The following ZBTB7A variants were observed in gnomAD, a reference collection of about 807,000 sequenced individuals.
ZBTB7A encodes the protein zinc finger and BTB domain-containing protein 7A.
In ZBTB7A, 7 loss-of-function variants were observed where a neutral mutation model predicts 26.7. That is an observed-to-expected ratio of 0.26 (90% CI 0.15 to 0.49). ZBTB7A has a LOEUF of 0.49. ZBTB7A is among the 20% of genes least tolerant of loss of function. The pLI is 0.98. For synonymous variants in ZBTB7A, 452 were observed against 441.0 expected (o/e 1.02, Z -0.31); for missense variants, 617 against 919.5 (o/e 0.67, Z 4.25).
Position 4,045,449 on chromosome 19 carries a change from G to C in ZBTB7A, c.*2303C>G, listed in dbSNP as rs890792348. On this transcript the variant is annotated 3_prime_UTR_variant, in exon 3 of 3. Coordinates refer to ENST00000322357, the MANE Select transcript of ZBTB7A (RefSeq NM_015898.4). This position sits in a 1 kb window ranked among gnomAD's most constrained non-coding sequence, Gnocchi z 4.1. ...TCACCCAGCCCCAGGGGAGAGGGGG[G>C]ATCCTGAGACATTTGGAGGGGGCTG... The C allele has an allele frequency of 7.1e-6, 1 of 140,790 alleles. No individual in the cohort carries two copies. Among genetic ancestry groups the C allele is most frequent in the Non-Finnish European group, 1.5e-5 (1 of 64,826 alleles). The allele number at this position is 140,790 out of a possible 1,614,324, so 8.7% of individuals were successfully genotyped here. A position where few individuals can be genotyped will look rare whatever the true frequency, so the allele number is the denominator to read the frequency against.
Position 4,052,714 on chromosome 19 carries a change from TAC to T in ZBTB7A, c.1262+1255_1262+1256del. On this transcript the variant is annotated intron_variant, in intron 2 of 2. Transcript: ENST00000322357. The surrounding 1 kb of genome is among the most constrained non-coding windows in gnomAD (Gnocchi z 4.9). Reference sequence around the variant, plus strand: ...CCACCGCTACAGCCCGCCCCGGATCTACGAGGCCCAGCCAGCCACCTCTGGAC... The same window carrying T: ...CCACCGCTACAGCCCGCCCCGGATCTGAGGCCCAGCCAGCCACCTCTGGAC... Among the ~76,000 whole-genome samples, 1 of 152,054 alleles carries T rather than the reference TAC, an allele frequency of 6.6e-6. No homozygotes were observed. Among genetic ancestry groups the T allele is most frequent in the Non-Finnish European group, 1.5e-5 (1 of 67,988 alleles).
Position 4,054,319 on chromosome 19 carries a change from TCCTCGC to T in ZBTB7A, c.908_913del (p.Gly303_Glu304del). 11 of 1,521,522 alleles carry T rather than the reference TCCTCGC, an allele frequency of 7.2e-6. No homozygotes were observed. Among genetic ancestry groups the T allele is most frequent in the Non-Finnish European group, 9.6e-6 (11 of 1,141,420 alleles). The allele number at this position is 1,521,522 out of a possible 1,614,324, so 94.3% of individuals were successfully genotyped here. On this transcript the variant is annotated inframe_deletion, in exon 2 of 3. Coordinates refer to ENST00000322357, the MANE Select transcript of ZBTB7A (RefSeq NM_015898.4). Reference sequence around the variant, plus strand: ...CCCGTCCACGTCGGGCCCGTCCCCGTCCTCGCCCTCGGCCGCTCCCGACAGGAAGCC... The same window carrying T: ...CCCGTCCACGTCGGGCCCGTCCCCGTCCTCGGCCGCTCCCGACAGGAAGCC...
Position 4,045,683 on chromosome 19 carries a change from C to T in ZBTB7A, c.*2069G>A. 2.6e-6 allele frequency: 1 copy of T among 387,056 alleles called. No homozygotes were observed. The highest frequency in any genetic ancestry group is 6.5e-4 in the Middle Eastern group (1 of 1,532). 24.0% of individuals were successfully genotyped at this position (387,056 alleles called of 1,614,324 possible). A position where few individuals can be genotyped will look rare whatever the true frequency, so the allele number is the denominator to read the frequency against. ...GCATTGACAAGAAGTCTCAGTGCAG[C>T]AGAGCGTCTATTTTCGGGGTCCCAT... is the stretch of plus-strand genomic sequence containing the variant. On this transcript the variant is annotated 3_prime_UTR_variant, in exon 3 of 3. Coordinates refer to ENST00000322357, the MANE Select transcript of ZBTB7A (RefSeq NM_015898.4). This position sits in a 1 kb window ranked among gnomAD's most constrained non-coding sequence, Gnocchi z 4.1.
At chr19:4,051,779 T>C (rs1019299324) in intron 2 of ZBTB7A, among the ~76,000 whole-genome samples, 2 of 152,154 alleles carry the variant, frequency 1.3e-5, no homozygotes, top group African/African-American at 4.8e-5. Flanking sequence ...GTGCAGAGAC[T>C]CCCCAGATGA....
At chr19:4,062,396 C>T (rs555676023) in intron 1 of ZBTB7A, among the ~76,000 whole-genome samples, 13 of 152,296 alleles carry the variant, frequency 8.5e-5, no homozygotes, top group Admixed American at 2.6e-4. Context: ...GGAGGCTGGG[C>T]CTTGATAATC....
Position 4,048,024 on chromosome 19 carries a change from AG to A in ZBTB7A, c.1482del (p.Ser495ArgfsTer62). On this transcript the variant is annotated frameshift_variant, in exon 3 of 3. Transcript: ENST00000322357. LOFTEE classifies it low-confidence loss of function (END_TRUNC). This position sits in a 1 kb window ranked among gnomAD's most constrained non-coding sequence, Gnocchi z 6.7. ...ACGCGGGGCTTGCGGCCGCGGCGCG[AG>A]GGGACGCCGTTGCAGCCGTCTTTCT... ...HLKKDGCNGV[P>X]SRRGRKPRVR... The A allele has an allele frequency of 6.7e-7, 1 of 1,500,064 alleles. No homozygotes were observed. Among genetic ancestry groups the A allele is most frequent in the Non-Finnish European group, 8.9e-7 (1 of 1,121,614 alleles). 92.9% of individuals were successfully genotyped at this position (1,500,064 alleles called of 1,614,324 possible).
chr19:4,048,455 T>C lies in ZBTB7A; in HGVS notation c.1263-211A>G, dbSNP rs571746174. ...GCATTCTGAACATCTAAAGAGGGCC[T>C]CGGACCCTGAGTGCTGTGTGGCCTT... On this transcript the variant is annotated intron_variant, in intron 2 of 2. Coordinates refer to ENST00000322357, the MANE Select transcript of ZBTB7A (RefSeq NM_015898.4). The surrounding 1 kb of genome is among the most constrained non-coding windows in gnomAD (Gnocchi z 6.7). 3.9e-5 allele frequency among the ~76,000 whole-genome samples: 6 copies of C among 152,282 alleles called. No individual in the cohort carries two copies. In the South Asian group the frequency reaches 1.0e-3, roughly 26 times the overall value.
At position 4,048,795 on chromosome 19, in the gene ZBTB7A, G is replaced by A. The variant is rs8102055; in HGVS notation, c.1263-551C>T. ...TTGTATCTGGGAGGTGGAGGTTGCA[G>A]TGAAACTCCGTCTCAAAAAAAAAAA... On this transcript the variant is annotated intron_variant, in intron 2 of 2. Transcript: ENST00000322357. The surrounding 1 kb of genome is among the most constrained non-coding windows in gnomAD (Gnocchi z 6.7). Among the ~76,000 whole-genome samples the A allele has an allele frequency of 3.8e-3, 570 of 151,982 alleles. 4 individuals carry two copies. Among genetic ancestry groups the A allele is most frequent in the African/African-American group, 0.013 (552 of 41,456 alleles).
Position 4,045,786 on chromosome 19 carries a change from C to G in ZBTB7A, c.*1966G>C. The G allele has an allele frequency of 2.5e-6, 1 of 398,028 alleles. No homozygotes were observed. Among genetic ancestry groups the G allele is most frequent in the Non-Finnish European group, 4.4e-6 (1 of 225,912 alleles). 24.7% of individuals were successfully genotyped at this position (398,028 alleles called of 1,614,324 possible). Reference sequence around the variant, plus strand: ...AGTCTCCCCAACCCCGGCCCCTGTCCGTGGCCTGTGGCTCGGTCAACACCG... The same window carrying G: ...AGTCTCCCCAACCCCGGCCCCTGTCGGTGGCCTGTGGCTCGGTCAACACCG... On this transcript the variant is annotated 3_prime_UTR_variant, in exon 3 of 3. Coordinates refer to ENST00000322357, the MANE Select transcript of ZBTB7A (RefSeq NM_015898.4). This position sits in a 1 kb window ranked among gnomAD's most constrained non-coding sequence, Gnocchi z 4.1.
In ZBTB7A at chr19:4,045,766, C is replaced by T; in HGVS notation, c.*1986G>A. 1 of 397,642 alleles carries T rather than the reference C, an allele frequency of 2.5e-6. No homozygotes were observed. Among genetic ancestry groups the T allele is most frequent in the Non-Finnish European group, 4.4e-6 (1 of 225,814 alleles). 24.6% of individuals were successfully genotyped at this position (397,642 alleles called of 1,614,324 possible). The stretch of plus-strand genomic sequence containing the variant: ...GTCCTGGCATCTGGCGACATAGTCT[C>T]CCCAACCCCGGCCCCTGTCCGTGGC... On this transcript the variant is annotated 3_prime_UTR_variant, in exon 3 of 3. Coordinates refer to ENST00000322357, the MANE Select transcript of ZBTB7A (RefSeq NM_015898.4). The surrounding 1 kb of genome is among the most constrained non-coding windows in gnomAD (Gnocchi z 4.1).
chr19:4,049,164 G>GTATATATATATATATATA (rs748377446), intron 2 of ZBTB7A, among the ~76,000 whole-genome samples: 1 of 21,166 alleles, frequency 4.7e-5, no homozygotes, highest in Non-Finnish European at 1.3e-4. Flanking sequence ...GTGTGTGTGT[G>GTATATATATATATATATA]TGTGTATATA....
chr19:4,065,670 T>G, intron 1 of ZBTB7A: 3 of 135,334 alleles, frequency 2.2e-5, no homozygotes, highest in South Asian at 2.5e-4. Flanking sequence ...AGGCCGCGCA[T>G]CCCCGGGCTC....
intron 1 of ZBTB7A, chr19:4,065,373 G>T (rs1175732395): frequency 1.4e-5 from 2 of 144,702 alleles, no homozygotes; most frequent in Non-Finnish European, 3.1e-5. Flanking sequence ...GCCGCAGCGC[G>T]CGGCCCCCGC....
chr19:4,064,152 G>A (rs1002784445), intron 1 of ZBTB7A, among the ~76,000 whole-genome samples: 9 of 152,248 alleles, frequency 5.9e-5, no homozygotes, highest in Non-Finnish European at 1.0e-4. Flanking sequence ...CCGCCCGCGG[G>A]CCTCTGCCGA....
At position 4,055,267 on chromosome 19, in the gene ZBTB7A, G is replaced by C; in HGVS notation, c.-15-20C>G. The C allele has an allele frequency of 2.1e-6, 3 of 1,450,496 alleles. No homozygotes were observed. The highest frequency in any genetic ancestry group is 2.7e-6 in the Non-Finnish European group (3 of 1,103,672). 89.9% of individuals were successfully genotyped at this position (1,450,496 alleles called of 1,614,324 possible). The stretch of plus-strand genomic sequence containing the variant: ...CGAGACCTGCAGCAGTGGGGAAGGA[G>C]AGGGCGCTCGTGAGTGGGGGTGCGG... On this transcript the variant is annotated intron_variant, in intron 1 of 2. Transcript: ENST00000322357.
rs2040423311 is a variant in ZBTB7A, at chr19:4,046,631, T to C, written c.*1121A>G. On this transcript the variant is annotated 3_prime_UTR_variant, in exon 3 of 3. Transcript: ENST00000322357. ...CCTTTTTTTTTTCTAGTTTGTTTTA[T>C]TGCTTTTGTGACATTGGAATTTGTG... is the stretch of plus-strand genomic sequence containing the variant. 1 of 150,782 alleles carries C rather than the reference T, an allele frequency of 6.6e-6. No individual in the cohort carries two copies. Among genetic ancestry groups the C allele is most frequent in the Non-Finnish European group, 1.5e-5 (1 of 67,554 alleles). The allele number at this position is 150,782 out of a possible 1,614,324, so 9.3% of individuals were successfully genotyped here. A position where few individuals can be genotyped will look rare whatever the true frequency, so the allele number is the denominator to read the frequency against.
rs2040405829 is a variant in ZBTB7A at position 4,045,631 on chromosome 19, G to A, written c.*2121C>T. ...AGAAGGGGGTATGGGGGGGTCGGGG[G>A]CAGGGAGACACCCCCCCGCCGGTTG... is the stretch of plus-strand genomic sequence containing the variant. On this transcript the variant is annotated 3_prime_UTR_variant, in exon 3 of 3. Coordinates refer to ENST00000322357, the MANE Select transcript of ZBTB7A (RefSeq NM_015898.4). This position sits in a 1 kb window ranked among gnomAD's most constrained non-coding sequence, Gnocchi z 4.1. The A allele has an allele frequency of 5.7e-6, 2 of 349,062 alleles. No homozygotes were observed. Among genetic ancestry groups the A allele is most frequent in the East Asian group, 4.4e-5 (1 of 22,796 alleles). The allele number at this position is 349,062 out of a possible 1,614,324, so 21.6% of individuals were successfully genotyped here.
At chr19:4,060,775 G>A (rs79027258) in intron 1 of ZBTB7A, among the ~76,000 whole-genome samples, 4,556 of 152,172 alleles carry the variant, frequency 0.03, 84 homozygotes, top group Non-Finnish European at 0.045. Flanking sequence ...AAGGTCACAC[G>A]ACAAGGTGAG....
chr19:4,053,943 G>T, intron 2 of ZBTB7A, 28 bp downstream of exon 2: 3 of 1,564,916 alleles, frequency 1.9e-6, no homozygotes, highest in Non-Finnish European at 1.7e-6. Context: ...AGAGCAGGAC[G>T]GCGCCTCCCC....
Sources: gnomAD v4.1 joint callset for allele counts (sites outside exome capture counted in the v4.1 genomes callset) on GRCh38, gnomAD v4.1.1 for gene constraint, Gnocchi (gnomAD v3.1) non-coding constraint, MANE v1.5 for transcripts, NCBI Gene and HGNC (gene_info 2026-07-23, HGNC 2026-07-21) for gene names.